The following CHEK1 variants were observed in gnomAD, a reference collection of about 807,000 sequenced individuals.
The protein encoded by CHEK1 is serine/threonine-protein kinase Chk1.
In CHEK1, 32 loss-of-function variants were observed where a neutral mutation model predicts 60.2. The observed-to-expected ratio is 0.53, with a 90% confidence interval of 0.40 to 0.71. The LOEUF (loss-of-function observed/expected upper bound fraction) is 0.71. Among genes scored for constraint, CHEK1 ranks in the 30% least tolerant of loss-of-function variants. The probability of loss-of-function intolerance (pLI) is 0.00; values close to 1 mark genes in which losing one functional copy is unlikely to be tolerated. For synonymous variants in CHEK1, 179 were observed against 187.2 expected (o/e 0.96, Z 0.36); for missense variants, 399 against 564.6 (o/e 0.71, Z 2.97).
At chr11:125,637,259 A>C (rs567993012) in intron 7 of CHEK1, among the ~76,000 whole-genome samples, 190 bp from the exon 8 acceptor site, 1 of 152,070 alleles carries the variant, frequency 6.6e-6, no homozygotes, top group African/African-American at 2.4e-5. Context: ...AGGGAAGACT[A>C]CTCCAAGATA....
intron 6 of CHEK1, among the ~76,000 whole-genome samples, 192 bp from the exon 7 acceptor site, chr11:125,635,237 G>T (rs1400722426): frequency 6.6e-6 from 1 of 152,138 alleles, no homozygotes; most frequent in East Asian, 1.9e-4. Context: ...GTGATTACAG[G>T]CCTGAGCTGC....
intron 13 of CHEK1, among the ~76,000 whole-genome samples, chr11:125,670,644 G>A (rs1360727544): frequency 6.6e-6 from 1 of 152,118 alleles, no homozygotes; most frequent in Non-Finnish European, 1.5e-5. Flanking sequence ...CTCTGTGGCT[G>A]TCTTATTTTC....
chr11:125,631,336 C>T (rs191268586), intron 5 of CHEK1, among the ~76,000 whole-genome samples: 1 of 151,794 alleles, frequency 6.6e-6, no homozygotes, highest in Admixed American at 6.6e-5. Context: ...ATTTAATGTC[C>T]TCCTGTTTAT....
At chr11:125,644,319 G>A (rs1257202191) in intron 10 of CHEK1, 51 bp downstream of exon 10, 3 of 1,534,752 alleles carry the variant, frequency 2.0e-6, no homozygotes, top group Non-Finnish European at 2.6e-6. Flanking sequence ...ATTTTTTATT[G>A]TCTTAAAGTC....
chr11:125,629,468 T>C lies in CHEK1; in HGVS notation c.424+8T>C, dbSNP rs757215283. On this transcript the variant is annotated splice_region_variant and intron_variant, in intron 5 of 12. Transcript: ENST00000438015. ...TTCTGTTGGATGAAAGGGGTAAGTT[T>C]AGCATTTTATCACTACCTAAAATAA... The C allele has an allele frequency of 2.5e-6, 4 of 1,587,284 alleles. No individual in the cohort carries two copies. The highest frequency in any genetic ancestry group is 3.5e-6 in the Non-Finnish European group (4 of 1,158,226).
At chr11:125,678,134 C>T (rs756819828), downstream of CHEK1, 1 of 1,614,158 alleles carries the variant, frequency 6.2e-7, no homozygotes, top group Non-Finnish European at 8.5e-7. Flanking sequence ...TTGAACCATG[C>T]TCACTGGAAC....
chr11:125,678,997 T>TATATATATATATATATATAG (rs1446760515), downstream of CHEK1, among the ~76,000 whole-genome samples: 1 of 142,290 alleles, frequency 7.0e-6, no homozygotes. Flanking sequence ...TATATATATA[T>TATATATATATATATATATAG]AGACACACAC....
At chr11:125,678,106 C>G, downstream of CHEK1, 1 of 1,614,174 alleles carries the variant, frequency 6.2e-7, no homozygotes, top group Non-Finnish European at 8.5e-7. Context: ...GAAGTGTGCT[C>G]GGCCACAGTG....
At chr11:125,633,450 T>A in intron 6 of CHEK1, 99 bp downstream of exon 6, 1 of 1,118,618 alleles carries the variant, frequency 8.9e-7, no homozygotes, top group Non-Finnish European at 1.2e-6. Flanking sequence ...TATATAATAG[T>A]TTTTGTTTTC....
intron 5 of CHEK1, 146 bp from the exon 6 acceptor site, chr11:125,633,016 CT>C (rs2135989097): frequency 1.7e-6 from 1 of 605,492 alleles, no homozygotes; most frequent in East Asian, 3.4e-5. Flanking sequence ...TTTTAAATTT[CT>C]TTTTGTCTAT....
At chr11:125,626,703 G>T (rs1236356208) in intron 1 of CHEK1, 46 bp from the exon 2 acceptor site, 1 of 1,581,826 alleles carries the variant, frequency 6.3e-7, no homozygotes, top group East Asian at 2.2e-5. Flanking sequence ...TGGCTTCACT[G>T]GTGATCTTAC....
chr11:125,663,707 G>A (rs1411013252), intron 13 of CHEK1, among the ~76,000 whole-genome samples: 1 of 152,008 alleles, frequency 6.6e-6, no homozygotes, highest in Non-Finnish European at 1.5e-5. Flanking sequence ...TGTTGCAGTT[G>A]CTTTTGATGT....
At chr11:125,676,409 G>T (rs193921098), downstream of CHEK1, 11 of 1,613,956 alleles carry the variant, frequency 6.8e-6, no homozygotes, top group African/African-American at 1.3e-5. Context: ...AGTGATGCAG[G>T]TTCCCTCTCC....
chr11:125,625,720 G>T lies in CHEK1; in HGVS notation c.-313G>T. On this transcript the variant is annotated 5_prime_UTR_variant, in exon 1 of 13. Transcript: ENST00000438015. ...CACCGCCCAGTCGAGCCTCACACCG[G>T]ATGCCACTTCATATTTGGGCCCAGA... 3 of 655,260 alleles carry T rather than the reference G, an allele frequency of 4.6e-6. No individual in the cohort carries two copies. Among genetic ancestry groups the T allele is most frequent in the South Asian group, 1.6e-5 (1 of 61,120 alleles). 40.6% of individuals were successfully genotyped at this position (655,260 alleles called of 1,614,324 possible). A position where few individuals can be genotyped will look rare whatever the true frequency, so the allele number is the denominator to read the frequency against.
At chr11:125,645,236 CTATG>C (rs1941457387) in intron 11 of CHEK1, among the ~76,000 whole-genome samples, 1 of 151,956 alleles carries the variant, frequency 6.6e-6, no homozygotes, top group Non-Finnish European at 1.5e-5. Flanking sequence ...TTTGTAAAAA[CTATG>C]TATACTTAAA....
chr11:125,636,592 A>G (rs1323475620), intron 7 of CHEK1, among the ~76,000 whole-genome samples: 1 of 152,100 alleles, frequency 6.6e-6, no homozygotes, highest in African/African-American at 2.4e-5. Flanking sequence ...AAAAACTTTA[A>G]ATAATAGTTT....
Position 125,653,527 on chromosome 11 carries a change from G to A in CHEK1, c.1234-219G>A, listed in dbSNP as rs991223730. Among the ~76,000 whole-genome samples, 4 of 152,190 alleles carry A rather than the reference G, an allele frequency of 2.6e-5. No individual in the cohort carries two copies. The highest frequency in any genetic ancestry group is 2.6e-4 in the Admixed American group (4 of 15,290). On this transcript the variant is annotated intron_variant, in intron 11 of 12. Coordinates refer to ENST00000438015, the MANE Select transcript of CHEK1 (RefSeq NM_001114122.3). The surrounding 1 kb of genome is among the most constrained non-coding windows in gnomAD (Gnocchi z 4.3). ...ACACTCATCTGTTGTTGGATACCTA[G>A]GTTGATTCCATATCTTGGCTATTGT...
chr11:125,675,313 T>C (rs965954638), intron 13 of CHEK1, among the ~76,000 whole-genome samples: 30 of 152,364 alleles, frequency 2.0e-4, no homozygotes, highest in Admixed American at 8.5e-4. Context: ...ATATGTGCCT[T>C]TCTTAAGACA....
At chr11:125,629,121 G>A (rs1483302352) in intron 3 of CHEK1, 111 bp from the exon 4 acceptor site, 6 of 968,504 alleles carry the variant, frequency 6.2e-6, no homozygotes, top group African/African-American at 1.6e-5. Context: ...GTTGGCATTT[G>A]CTTCTGTTTG....
Sources: allele counts gnomAD v4.1 joint callset (sites outside exome capture counted in the v4.1 genomes callset), GRCh38; gene constraint gnomAD v4.1.1; non-coding constraint Gnocchi (gnomAD v3.1); transcripts MANE v1.5; gene names NCBI Gene and HGNC (gene_info 2026-07-23, HGNC 2026-07-21).